The following GRM4 variants were observed in gnomAD, a reference collection of about 807,000 sequenced individuals.
GRM4 encodes glutamate metabotropic receptor 4.
GRM4 carries 28 observed loss-of-function variants against 81.7 expected under a neutral mutation model. The ratio of observed to expected loss-of-function variants is 0.34; its 90% CI spans 0.25 to 0.47. The LOEUF (loss-of-function observed/expected upper bound fraction) is 0.47. Among genes scored for constraint, GRM4 ranks in the 20% least tolerant of loss-of-function variants. The probability of loss-of-function intolerance (pLI) is 1.00; values close to 1 mark genes in which losing one functional copy is unlikely to be tolerated. For synonymous variants in GRM4, 488 were observed against 528.8 expected (o/e 0.92, Z 1.06); for missense variants, 948 against 1,290.0 (o/e 0.73, Z 4.06).
intron 3 of GRM4, 52 bp downstream of exon 3, chr6:34,091,831 G>A (rs1167019256): frequency 7.4e-7 from 1 of 1,355,082 alleles, no homozygotes. Context: ...CAGTCACTGT[G>A]CCGGGACACC....
chr6:34,115,811 C>T lies in GRM4; in HGVS notation c.519+17167G>A, dbSNP rs1219248604. Among the ~76,000 whole-genome samples, 7 of 152,330 alleles carry T rather than the reference C, an allele frequency of 4.6e-5. No individual in the cohort carries two copies. The highest frequency in any genetic ancestry group is 1.7e-4 in the African/African-American group (7 of 41,568). On this transcript the variant is annotated intron_variant, in intron 2 of 10. Coordinates refer to ENST00000538487, the MANE Select transcript of GRM4 (RefSeq NM_000841.4). This position sits in a 1 kb window ranked among gnomAD's most constrained non-coding sequence, Gnocchi z 4.1. ...GAAACTGCGGACACATCACACCTCC[C>T]TGGGCTCCATTTGTTATCACTCAGA... is the stretch of plus-strand genomic sequence containing the variant.
At chr6:34,054,604 G>A (rs1003206418) in intron 6 of GRM4, 1 of 152,190 alleles carries the variant, frequency 6.6e-6, no homozygotes, top group African/African-American at 2.4e-5. Context: ...GAGCCTACAG[G>A]AACTGACCAA....
At chr6:34,113,198 C>T (rs961531146) in intron 2 of GRM4, among the ~76,000 whole-genome samples, 1 of 151,652 alleles carries the variant, frequency 6.6e-6, no homozygotes, top group Non-Finnish European at 1.5e-5. Flanking sequence ...GTTGCCCAGG[C>T]TGGAGTACAA....
At chr6:34,095,138 C>T (rs997369712) in intron 2 of GRM4, among the ~76,000 whole-genome samples, 5 of 152,184 alleles carry the variant, frequency 3.3e-5, no homozygotes, top group East Asian at 1.9e-4. Flanking sequence ...AGGAGAGCCC[C>T]GGACCCCTGA....
chr6:34,068,086 G>C lies in GRM4; in HGVS notation c.737-6058C>G, dbSNP rs563291284. ...CGCCATGCAGCCTGCGTCCCAGGGT[G>C]GGAAGGAACCGTAAACATCCTGGAA... On this transcript the variant is annotated intron_variant, in intron 3 of 10. Transcript: ENST00000538487. This position sits in a 1 kb window ranked among gnomAD's most constrained non-coding sequence, Gnocchi z 4.2. Among the ~76,000 whole-genome samples, 1 of 152,230 alleles carries C rather than the reference G, an allele frequency of 6.6e-6. No homozygotes were observed. The highest frequency in any genetic ancestry group is 1.5e-5 in the Non-Finnish European group (1 of 68,046).
intron 1 of GRM4, among the ~76,000 whole-genome samples, chr6:34,153,015 C>T (rs1043913225): frequency 6.6e-6 from 1 of 152,100 alleles, no homozygotes; most frequent in African/African-American, 2.4e-5. Context: ...TGCAATGATT[C>T]CACTCCACAA....
chr6:34,051,929 A>G (rs1765633829), intron 6 of GRM4, among the ~76,000 whole-genome samples: 1 of 152,202 alleles, frequency 6.6e-6, no homozygotes, highest in Non-Finnish European at 1.5e-5. Context: ...GTGGCTGGGA[A>G]GTGGCAGCAC....
chr6:34,123,264 C>T (rs1003868344), intron 2 of GRM4, among the ~76,000 whole-genome samples: 2 of 152,164 alleles, frequency 1.3e-5, no homozygotes, highest in African/African-American at 4.8e-5. Context: ...GCCAGAGGAC[C>T]CCAGGTCAGT....
At chr6:34,053,568 G>A (rs749578328) in intron 6 of GRM4, among the ~76,000 whole-genome samples, 11 of 152,218 alleles carry the variant, frequency 7.2e-5, no homozygotes, top group African/African-American at 2.4e-4. Flanking sequence ...GACATACCGC[G>A]TCTAGAGCCC....
chr6:34,035,402 C>CAGAGAGAAAGGGGG lies in GRM4; in HGVS notation c.2442+252_2442+265dup. ...AGGAGAGAAAAAAGGAGAGATGAGA[C>CAGAGAGAAAGGGGG]AGAGAGAAAGGGGGAGAGAGAAGAG... On this transcript the variant is annotated intron_variant, in intron 9 of 10. Transcript: ENST00000538487. This position sits in a 1 kb window ranked among gnomAD's most constrained non-coding sequence, Gnocchi z 6.6. 6.9e-6 allele frequency among the ~76,000 whole-genome samples: 1 copy of CAGAGAGAAAGGGGG among 145,670 alleles called. No homozygotes were observed. Among genetic ancestry groups the CAGAGAGAAAGGGGG allele is most frequent in the African/African-American group, 2.6e-5 (1 of 38,860 alleles).
At chr6:34,025,221 C>A (rs1200526698) in intron 10 of GRM4, among the ~76,000 whole-genome samples, 6 of 152,174 alleles carry the variant, frequency 3.9e-5, no homozygotes, top group African/African-American at 1.4e-4. Flanking sequence ...CATCTTCACC[C>A]CATTCTATCC....
chr6:34,028,103 CG>C lies in GRM4; in HGVS notation c.2689+16del. 6.2e-7 allele frequency: 1 copy of C among 1,603,190 alleles called. No individual in the cohort carries two copies. The highest frequency in any genetic ancestry group is 8.5e-7 in the Non-Finnish European group (1 of 1,173,488). ...GGGCCTGGGGCCCGAGAGGGCAGAACGGGGCCAGGCACTCACCTGGGGCCTC... is the reference window on the plus strand; with the variant it reads ...GGGCCTGGGGCCCGAGAGGGCAGAACGGGCCAGGCACTCACCTGGGGCCTC... On this transcript the variant is annotated intron_variant, in intron 10 of 10. Coordinates refer to ENST00000538487, the MANE Select transcript of GRM4 (RefSeq NM_000841.4).
chr6:34,129,206 G>T (rs1470767812), intron 2 of GRM4, among the ~76,000 whole-genome samples: 1 of 152,078 alleles, frequency 6.6e-6, no homozygotes, highest in East Asian at 1.9e-4. Context: ...GTAGAGACGG[G>T]GTTTCACCAT....
At chr6:34,053,724 TTC>T (rs1765724720) in intron 6 of GRM4, among the ~76,000 whole-genome samples, 1 of 152,228 alleles carries the variant, frequency 6.6e-6, no homozygotes, top group South Asian at 2.1e-4. Context: ...CCTGGGGCAC[TTC>T]AAAAAATCCT....
chr6:34,085,809 G>A lies in GRM4; in HGVS notation c.736+6074C>T, dbSNP rs537195506. 7.2e-5 allele frequency among the ~76,000 whole-genome samples: 11 copies of A among 152,312 alleles called. No homozygotes were observed. In the South Asian group the frequency reaches 2.3e-3, roughly 32 times the overall value. On this transcript the variant is annotated intron_variant, in intron 3 of 10. Transcript: ENST00000538487. ...AAAGAAAAACAGAGCAGGGTACGGG[G>A]ACTGGAGAGTAGGACGGAGGCAGGG... is the stretch of plus-strand genomic sequence containing the variant.
chr6:34,132,052 G>GT lies in GRM4; in HGVS notation c.519+925dup, dbSNP rs544992290. ...GCACATAATTATTGGTAAAATGCTT[G>GT]TAATGTTTTTCTCTCTACCCGGTAG... On this transcript the variant is annotated intron_variant, in intron 2 of 10. Coordinates refer to ENST00000538487, the MANE Select transcript of GRM4 (RefSeq NM_000841.4). 2.6e-5 allele frequency among the ~76,000 whole-genome samples: 4 copies of GT among 152,282 alleles called. No homozygotes were observed. In the South Asian group the frequency reaches 8.3e-4, roughly 32 times the overall value.
In GRM4 at chr6:34,091,919, C is replaced by A. The variant is rs776254825; in HGVS notation, c.700G>T (p.Gly234Cys). 1 of 1,613,852 alleles carries A rather than the reference C, an allele frequency of 6.2e-7. No individual in the cohort carries two copies. Among genetic ancestry groups the A allele is most frequent in the Non-Finnish European group, 8.5e-7 (1 of 1,179,902 alleles). Residue 234 changes from glycine (G) to cysteine (C), a missense_variant, in exon 3 of 11, where the codon GGT (glycine) becomes TGT (cysteine). Transcript: ENST00000538487. ...VASEGSYGES[G>C]VEAFIQKSRE... is the part of the protein sequence containing the mutation. ...GACTTCTGGATGAAGGCCTCCACAC[C>A]GCTCTCACCATAGCTGCCCTCCGAG...
chr6:34,146,200 C>T (rs185671913), upstream of GRM4: 4 of 935,838 alleles, frequency 4.3e-6, no homozygotes, highest in South Asian at 1.5e-4. Flanking sequence ...ATTTGCACAC[C>T]CCACTGCTCC....
chr6:34,129,183 T>A (rs542821000), intron 2 of GRM4, among the ~76,000 whole-genome samples: 2 of 152,094 alleles, frequency 1.3e-5, no homozygotes, highest in South Asian at 4.2e-4. Flanking sequence ...CCTGGCTAAT[T>A]TTTGTATTTT....
Sources: gnomAD v4.1 joint callset for allele counts (sites outside exome capture counted in the v4.1 genomes callset) on GRCh38, gnomAD v4.1.1 for gene constraint, Gnocchi (gnomAD v3.1) non-coding constraint, MANE v1.5 for transcripts, NCBI Gene and HGNC (gene_info 2026-07-23, HGNC 2026-07-21) for gene names.